The following ARHGEF3 variants were observed in gnomAD, a reference collection of about 807,000 sequenced individuals.
ARHGEF3 encodes the protein 59.8 kDA protein.
Under a neutral mutation model 63.2 loss-of-function variants are expected in ARHGEF3, and 28 were observed. The ratio of observed to expected loss-of-function variants is 0.44; its 90% CI spans 0.33 to 0.61. ARHGEF3 has a LOEUF of 0.61. Among genes scored for constraint, ARHGEF3 ranks in the 20% least tolerant of loss-of-function variants. The pLI, the probability that ARHGEF3 is intolerant of heterozygous loss-of-function variation, is 0.03. For synonymous variants in ARHGEF3, 266 were observed against 254.2 expected (o/e 1.05, Z -0.44); for missense variants, 533 against 659.3 (o/e 0.81, Z 2.10).
intron 2 of ARHGEF3, among the ~76,000 whole-genome samples, chr3:56,971,577 C>A (rs186437338): frequency 6.6e-6 from 1 of 151,868 alleles, no homozygotes; most frequent in East Asian, 1.9e-4. Context: ...TAAGGCCGGG[C>A]GCGGTGGCTC....
intron 2 of ARHGEF3, among the ~76,000 whole-genome samples, chr3:57,023,229 A>T (rs1373595122): frequency 6.6e-6 from 1 of 152,130 alleles, no homozygotes. Context: ...GGCTCAACAG[A>T]TGTTAGTTTT....
chr3:56,754,911 C>A, intron 3 of ARHGEF3, 70 bp downstream of exon 3: 2 of 1,593,226 alleles, frequency 1.3e-6, no homozygotes, highest in African/African-American at 1.3e-5. Context: ...GGCGCAAATT[C>A]CAGCATGGCT....
intron 6 of ARHGEF3, among the ~76,000 whole-genome samples, chr3:56,746,234 C>T (rs1411531515): frequency 6.6e-6 from 1 of 152,150 alleles, no homozygotes; most frequent in Non-Finnish European, 1.5e-5. Context: ...TACTAGGAAG[C>T]CCTAGTCCCT....
chr3:56,865,604 G>A (rs2040222081), intron 4 of ARHGEF3, among the ~76,000 whole-genome samples: 1 of 152,160 alleles, frequency 6.6e-6, no homozygotes, highest in Admixed American at 6.5e-5. Context: ...AAATTACTGT[G>A]CCTTTAATGA....
chr3:57,007,166 T>C lies in ARHGEF3; in HGVS notation c.62+27922A>G, dbSNP rs1032839039. On this transcript the variant is annotated intron_variant, in intron 2 of 12. Coordinates refer to the ARHGEF3 transcript ENST00000338458. ...TATTCATCCATAAAGAATTAATAAA[T>C]AAGGTGCTGACTCACATGAATTCTC... is the stretch of plus-strand genomic sequence containing the variant. The C allele has an allele frequency of 4.8e-6, 6 of 1,258,884 alleles. No individual in the cohort carries two copies. In the Admixed American group the frequency reaches 1.6e-4, roughly 34 times the overall value. 78.0% of individuals were successfully genotyped at this position (1,258,884 alleles called of 1,614,324 possible).
chr3:56,798,537 GTTTTTTTT>G lies in ARHGEF3; in HGVS notation c.96+3158_96+3165del, dbSNP rs368922829. Among the ~76,000 whole-genome samples, 72 of 139,234 alleles carry G rather than the reference GTTTTTTTT, an allele frequency of 5.2e-4. No homozygotes were observed. In the East Asian group the frequency reaches 5.3e-3, roughly 10 times the overall value. The allele number at this position is 139,234 out of a possible 152,430, so 91.3% of individuals were successfully genotyped here. A position where few individuals can be genotyped will look rare whatever the true frequency, so the allele number is the denominator to read the frequency against. ...GAGCTTGCTTCCTTTTCTTTACTTC[GTTTTTTTT>G]TTTTTTTTTTTTTAAGCCTTCTTTT... On this transcript the variant is annotated intron_variant, in intron 1 of 9. Transcript: ENST00000296315.
chr3:56,841,243 T>C (rs2108110094), intron 4 of ARHGEF3, among the ~76,000 whole-genome samples: 1 of 152,276 alleles, frequency 6.6e-6, no homozygotes. Context: ...AAAGTAGCAA[T>C]GGCAGGAAAA....
At chr3:57,057,896 A>C (rs1560167494) in intron 1 of ARHGEF3, among the ~76,000 whole-genome samples, 1 of 152,212 alleles carries the variant, frequency 6.6e-6, no homozygotes, top group Non-Finnish European at 1.5e-5. Context: ...TCCATACTAG[A>C]CAGACAAGGG....
chr3:56,795,870 C>T (rs922435015), intron 1 of ARHGEF3, among the ~76,000 whole-genome samples: 8 of 151,806 alleles, frequency 5.3e-5, no homozygotes, highest in East Asian at 1.9e-4. Flanking sequence ...GAACCCCTGA[C>T]CTCGTGATCC....
At position 56,858,531 on chromosome 3, in the gene ARHGEF3, G is replaced by A. The variant is rs568245209; in HGVS notation, c.192+23761C>T. Among the ~76,000 whole-genome samples, 18 of 152,300 alleles carry A rather than the reference G, an allele frequency of 1.2e-4. 1 individual carries two copies. In the South Asian group the frequency reaches 3.3e-3, roughly 28 times the overall value. On this transcript the variant is annotated intron_variant, in intron 4 of 12. Coordinates refer to the ARHGEF3 transcript ENST00000338458. Reference sequence around the variant, plus strand: ...TGGCAGTCCCTGTCTGTGCTTGTGGGTTTACCTTCTGGTGAGGGGAGGAAG... The same window carrying A: ...TGGCAGTCCCTGTCTGTGCTTGTGGATTTACCTTCTGGTGAGGGGAGGAAG...
rs2038940098 is a variant in ARHGEF3, at chr3:56,831,773, G to A, written c.192+50519C>T. Reference sequence around the variant, plus strand: ...AATCAACATTTTAAGAAAGGTCAAGGTCTTCTGTCCAGTTCCACATCAACC... The same window carrying A: ...AATCAACATTTTAAGAAAGGTCAAGATCTTCTGTCCAGTTCCACATCAACC... On this transcript the variant is annotated intron_variant, in intron 4 of 12. Transcript: ENST00000338458. 2.6e-5 allele frequency among the ~76,000 whole-genome samples: 4 copies of A among 152,184 alleles called. 1 individual carries two copies. The highest frequency in any genetic ancestry group is 2.6e-4 in the Admixed American group (4 of 15,280).
chr3:56,802,778 G>A (rs2037722267), upstream of ARHGEF3, among the ~76,000 whole-genome samples: 2 of 152,178 alleles, frequency 1.3e-5, no homozygotes, highest in African/African-American at 4.8e-5. Context: ...CCAAGAAGGC[G>A]ATTGATCTTA....
intron 1 of ARHGEF3, among the ~76,000 whole-genome samples, chr3:57,049,449 A>T (rs1056674077): frequency 6.6e-6 from 1 of 152,226 alleles, no homozygotes; most frequent in Admixed American, 6.5e-5. Context: ...AAACTGGAGC[A>T]GTCCAGCCTG....
rs529923422 is a variant in ARHGEF3 at position 57,038,420 on chromosome 3, A to C, written c.-27-3244T>G. ...AGGTTGAGTGTTCAGCCCCAGGAAC[A>C]CTCTAAACCTAGGGGTTTCATACCA... is the stretch of plus-strand genomic sequence containing the variant. On this transcript the variant is annotated intron_variant, in intron 1 of 12. Coordinates refer to the ARHGEF3 transcript ENST00000338458. Among the ~76,000 whole-genome samples the C allele has an allele frequency of 7.9e-5, 12 of 151,986 alleles. 1 individual carries two copies. The highest frequency in any genetic ancestry group is 1.6e-4 in the Non-Finnish European group (11 of 68,000).
chr3:57,049,360 C>T (rs1018092307), intron 1 of ARHGEF3, among the ~76,000 whole-genome samples: 3 of 152,044 alleles, frequency 2.0e-5, no homozygotes, highest in Admixed American at 2.0e-4. Context: ...CAGAGTGAGA[C>T]CCTGACTCCA....
intron 1 of ARHGEF3, among the ~76,000 whole-genome samples, chr3:56,778,842 ATAT>A (rs1312537081): frequency 1.4e-4 from 22 of 152,276 alleles, no homozygotes; most frequent in African/African-American, 5.3e-4. Flanking sequence ...CGCTTACAAA[ATAT>A]TATTCTTTTG....
At chr3:56,999,109 G>A (rs1702095445) in intron 2 of ARHGEF3, among the ~76,000 whole-genome samples, 1 of 152,160 alleles carries the variant, frequency 6.6e-6, no homozygotes, top group South Asian at 2.1e-4. Context: ...GAGTGCAGTG[G>A]TGTGATCTCG....
upstream of ARHGEF3, among the ~76,000 whole-genome samples, chr3:56,805,874 T>G (rs17057334): frequency 0.22 from 33,242 of 152,080 alleles, 6,447 homozygotes; most frequent in East Asian, 0.54. Context: ...GGTGGTCTGA[T>G]TCTTCCAAGC....
chr3:56,755,700 A>T (rs1206932321), intron 2 of ARHGEF3, among the ~76,000 whole-genome samples: 1 of 151,982 alleles, frequency 6.6e-6, no homozygotes, highest in East Asian at 2.0e-4. Context: ...AATTTGTCAC[A>T]TGAGTTACGG....
Sources: gnomAD v4.1 joint callset for allele counts (sites outside exome capture counted in the v4.1 genomes callset) on GRCh38, gnomAD v4.1.1 for gene constraint, MANE v1.5 for transcripts, NCBI Gene and HGNC (gene_info 2026-07-23, HGNC 2026-07-21) for gene names.